Variants in CHLSN observed in about 807,000 individuals in gnomAD.
CHLSN encodes cholesin.
chr7:1,081,417 C>T, the CHLSN span, among the ~76,000 whole-genome samples: 2,760 of 152,338 alleles, frequency 0.018, 40 homozygotes, highest in Non-Finnish European at 0.025. Context: ...TTGTAGAGCC[C>T]GAGCCCGGGC....
At chr7:1,054,913 G>A in the CHLSN span, among the ~76,000 whole-genome samples, 1 of 152,240 alleles carries the variant, frequency 6.6e-6, no homozygotes, top group Non-Finnish European at 1.5e-5. Context: ...GCATGGCCAG[G>A]CCTTCGCTCG....
the CHLSN span, among the ~76,000 whole-genome samples, chr7:994,849 T>G: frequency 6.4e-4 from 98 of 152,362 alleles, 1 homozygote; most frequent in South Asian, 7.0e-3. Flanking sequence ...TCACAGCCCA[T>G]CGCTTATGGC....
the CHLSN span, chr7:984,384 C>A: frequency 3.2e-6 from 5 of 1,542,274 alleles, no homozygotes; most frequent in Non-Finnish European, 4.4e-6. Context: ...GTGAGGGCTG[C>A]CCGGGTGACC....
chr7:1,100,539 G>C, the CHLSN span, among the ~76,000 whole-genome samples: 1 of 152,202 alleles, frequency 6.6e-6, no homozygotes, highest in Non-Finnish European at 1.5e-5. Context: ...GCGTCAGCTG[G>C]GGAGCCTGGG....
chr7:1,065,427 C>T, the CHLSN span, among the ~76,000 whole-genome samples: 3 of 152,282 alleles, frequency 2.0e-5, no homozygotes, highest in African/African-American at 7.2e-5. Context: ...TGCACATCAA[C>T]AGGTGGACAG....
chr7:1,066,215 T>A, the CHLSN span, among the ~76,000 whole-genome samples: 1 of 152,150 alleles, frequency 6.6e-6, no homozygotes. Flanking sequence ...CCCCCAGAAT[T>A]TCCCCAGGCC....
chr7:1,017,938 T>C, the CHLSN span, among the ~76,000 whole-genome samples: 3 of 152,218 alleles, frequency 2.0e-5, no homozygotes, highest in South Asian at 4.1e-4. Context: ...GTGCATTTTA[T>C]TTTCTAAAAT....
the CHLSN span, among the ~76,000 whole-genome samples, chr7:1,007,170 C>T: frequency 6.6e-6 from 1 of 152,168 alleles, no homozygotes. Context: ...CATGAGGGCT[C>T]ACCAGAACAA....
the CHLSN span, among the ~76,000 whole-genome samples, chr7:1,114,803 C>G: frequency 6.6e-6 from 1 of 152,232 alleles, no homozygotes; most frequent in African/African-American, 2.4e-5. Flanking sequence ...GGGCGATGGG[C>G]AGGTGTCTGA....
chr7:1,117,670 C>T, the CHLSN span, among the ~76,000 whole-genome samples: 1 of 148,220 alleles, frequency 6.7e-6, no homozygotes, highest in Non-Finnish European at 1.5e-5. Flanking sequence ...TCACCGACGC[C>T]CATGCAGGAT....
At chr7:1,030,042 TG>T in the CHLSN span, among the ~76,000 whole-genome samples, 1 of 152,166 alleles carries the variant, frequency 6.6e-6, no homozygotes, top group African/African-American at 2.4e-5. Flanking sequence ...GAGAAGGAAG[TG>T]TGTGCTCAGT....
chr7:1,134,101 A>AATATAT, the CHLSN span, among the ~76,000 whole-genome samples: 1 of 151,610 alleles, frequency 6.6e-6, no homozygotes, highest in African/African-American at 2.4e-5. Flanking sequence ...CTGGCCCCAA[A>AATATAT]ATATATATAT....
the CHLSN span, among the ~76,000 whole-genome samples, chr7:1,068,663 T>C: frequency 6.6e-6 from 1 of 152,174 alleles, no homozygotes. Flanking sequence ...CAACGCTTAG[T>C]TGCCTTCACC....
chr7:1,016,485 A>G, the CHLSN span, among the ~76,000 whole-genome samples: 11 of 134,756 alleles, frequency 8.2e-5, no homozygotes, highest in South Asian at 2.4e-4. Flanking sequence ...GCACAGCAGC[A>G]CACAGCAGCG....
At chr7:987,667 G>A in the CHLSN span, 1,565 of 890,748 alleles carry the variant, frequency 1.8e-3, 15 homozygotes, top group East Asian at 0.029. Context: ...AATAAAGGGC[G>A]TCCAGCCAGG....
At chr7:1,015,746 C>G in the CHLSN span, among the ~76,000 whole-genome samples, 1 of 152,170 alleles carries the variant, frequency 6.6e-6, no homozygotes, top group African/African-American at 2.4e-5. Context: ...ATGCCCAGCC[C>G]TCGTGGAGGC....
At chr7:1,093,563 TC>T in the CHLSN span, 1 of 471,096 alleles carries the variant, frequency 2.1e-6, no homozygotes. Context: ...GGTGGTTCAG[TC>T]ACTGCTTGTT....
At chr7:1,090,666 G>A in the CHLSN span, among the ~76,000 whole-genome samples, 3 of 152,244 alleles carry the variant, frequency 2.0e-5, no homozygotes, top group African/African-American at 7.2e-5. Flanking sequence ...CCCGGGCACC[G>A]CCGTGGGCGG....
chr7:1,092,311 G>T, the CHLSN span: 1 of 1,611,596 alleles, frequency 6.2e-7, no homozygotes. Context: ...GCCCTTCACC[G>T]CCGTGCACCT....
Sources: gnomAD v4.1 joint callset for allele counts (sites outside exome capture counted in the v4.1 genomes callset) on GRCh38, gnomAD v4.1.1 for gene constraint, MANE v1.5 for transcripts, NCBI Gene and HGNC (gene_info 2026-07-23, HGNC 2026-07-21) for gene names.